The following PRIM2 variants were observed in gnomAD, a reference collection of about 807,000 sequenced individuals.
The protein encoded by PRIM2 is DNA primase subunit 2.
A neutral mutation model predicts 67.3 loss-of-function variants in PRIM2; 39 were observed. The ratio of observed to expected loss-of-function variants is 0.58; its 90% confidence interval spans 0.45 to 0.76. The LOEUF is 0.76. Among genes scored for constraint, PRIM2 ranks in the 30% least tolerant of loss-of-function variants. The probability of loss-of-function intolerance (pLI) is 0.00; values close to 1 mark genes in which losing one functional copy is unlikely to be tolerated. For missense variants in PRIM2, 398 were observed against 598.7 expected (o/e 0.66, Z 3.50); for synonymous variants, 143 against 198.7 (o/e 0.72, Z 2.36).
chr6:57,625,156 C>T (rs1397435997), intron 12 of PRIM2, among the ~76,000 whole-genome samples: 12 of 152,088 alleles, frequency 7.9e-5, no homozygotes, highest in East Asian at 1.9e-4. Flanking sequence ...AACCATATAT[C>T]GCAGATAAAC....
chr6:57,530,319 T>C (rs1774859749), intron 8 of PRIM2, among the ~76,000 whole-genome samples: 1 of 152,210 alleles, frequency 6.6e-6, no homozygotes, highest in East Asian at 1.9e-4. Flanking sequence ...GAGTCTCTGG[T>C]GGCAGCAACT....
At chr6:57,359,064 G>T (rs1405528292) in intron 5 of PRIM2, among the ~76,000 whole-genome samples, 1 of 152,248 alleles carries the variant, frequency 6.6e-6, no homozygotes, top group Non-Finnish European at 1.5e-5. Flanking sequence ...ATCTTCTCCA[G>T]CTGAAACTCA....
chr6:57,344,028 C>A (rs1231826812), intron 5 of PRIM2, among the ~76,000 whole-genome samples: 5 of 152,070 alleles, frequency 3.3e-5, no homozygotes, highest in African/African-American at 1.2e-4. Flanking sequence ...ACTTACTTAG[C>A]AGGATTCTCA....
intron 13 of PRIM2, among the ~76,000 whole-genome samples, chr6:57,634,190 G>C (rs1777081023): frequency 1.3e-5 from 2 of 152,172 alleles, no homozygotes; most frequent in African/African-American, 2.4e-5. Context: ...TTGTGATAAT[G>C]ACAGCAGAGG....
chr6:57,344,212 C>T (rs112646822), intron 5 of PRIM2, among the ~76,000 whole-genome samples: 9,059 of 151,106 alleles, frequency 0.06, 364 homozygotes, highest in Admixed American at 0.099. Context: ...GCAGGGTACT[C>T]TCTGAGTGTT....
intron 5 of PRIM2, among the ~76,000 whole-genome samples, chr6:57,330,693 C>G (rs894452799): frequency 5.3e-5 from 8 of 152,064 alleles, no homozygotes; most frequent in African/African-American, 1.7e-4. Context: ...TGATCATGAT[C>G]TCAGGGGAAA....
At chr6:57,598,159 T>C (rs1776401523) in intron 10 of PRIM2, among the ~76,000 whole-genome samples, 2 of 152,232 alleles carry the variant, frequency 1.3e-5, no homozygotes, top group Admixed American at 1.3e-4. Context: ...TAAAGTATCG[T>C]GTAGGAACAT....
chr6:57,645,969 C>A lies in PRIM2; in HGVS notation c.1341C>A (p.Phe447Leu). 6.2e-7 allele frequency: 1 copy of A among 1,603,852 alleles called. No homozygotes were observed. The highest frequency in any genetic ancestry group is 1.1e-5 in the South Asian group (1 of 90,888). ...CGFSLNHPNQ[F>L]FCESQRILNG... Reference sequence around the variant, plus strand: ...TTTCTTTGAATCATCCTAATCAGTTCTTTTGTGAGAGCCAACGTATTCTAA... The same window carrying A: ...TTTCTTTGAATCATCCTAATCAGTTATTTTGTGAGAGCCAACGTATTCTAA... Residue 447 changes from phenylalanine to leucine, a missense_variant, in exon 14 of 14, where the codon TTC (phenylalanine) becomes TTA (leucine). Physicochemically the swap from Phe to Leu is conservative, Grantham distance 22. Transcript: ENST00000615550.
intron 5 of PRIM2, among the ~76,000 whole-genome samples, chr6:57,360,108 G>A (rs1769148780): frequency 6.6e-6 from 1 of 152,202 alleles, no homozygotes; most frequent in Non-Finnish European, 1.5e-5. Flanking sequence ...TTTAATGAGT[G>A]TACTTCATAG....
chr6:57,340,011 G>GGA (rs1768413894), intron 5 of PRIM2, among the ~76,000 whole-genome samples: 1 of 150,328 alleles, frequency 6.7e-6, no homozygotes, highest in Admixed American at 6.6e-5. Flanking sequence ...AATTTATGAG[G>GGA]AAAAAAAAAC....
At chr6:57,307,284 T>G in the PRIM2 span, among the ~76,000 whole-genome samples, 1 of 151,000 alleles carries the variant, frequency 6.6e-6, no homozygotes, top group Non-Finnish European at 1.5e-5. Flanking sequence ...GACGGAGTCT[T>G]GCTCTGTTGC....
At chr6:57,592,125 G>A (rs1204679984) in intron 10 of PRIM2, among the ~76,000 whole-genome samples, 1 of 151,954 alleles carries the variant, frequency 6.6e-6, no homozygotes, top group African/African-American at 2.4e-5. Context: ...CATTGGGTAC[G>A]CATGGACATA....
At chr6:57,516,233 A>G (rs1291202335) in intron 8 of PRIM2, among the ~76,000 whole-genome samples, 4 of 152,200 alleles carry the variant, frequency 2.6e-5, no homozygotes, top group Non-Finnish European at 5.9e-5. Context: ...TTACATCTGC[A>G]GAGCCCCTTT....
intron 8 of PRIM2, among the ~76,000 whole-genome samples, chr6:57,518,744 A>G (rs1214047805): frequency 1.3e-5 from 2 of 152,188 alleles, no homozygotes; most frequent in Non-Finnish European, 2.9e-5. Context: ...TCTTTGTAGA[A>G]ATGTACTGCT....
intron 5 of PRIM2, among the ~76,000 whole-genome samples, chr6:57,340,607 C>T (rs1475374447): frequency 6.6e-6 from 1 of 151,986 alleles, no homozygotes; most frequent in Admixed American, 6.5e-5. Context: ...ATCACAAGAA[C>T]AAAAAACCAA....
chr6:57,303,765 G>A, the PRIM2 span, among the ~76,000 whole-genome samples: 2 of 152,030 alleles, frequency 1.3e-5, no homozygotes, highest in Non-Finnish European at 2.9e-5. Context: ...ACAGGCACCC[G>A]CCACCATGCC....
chr6:57,333,385 G>GAGA (rs1344713348), intron 5 of PRIM2, among the ~76,000 whole-genome samples: 2 of 152,150 alleles, frequency 1.3e-5, no homozygotes, highest in Non-Finnish European at 2.9e-5. Flanking sequence ...AGTTGCTCTT[G>GAGA]AGAAGCCTGA....
intron 7 of PRIM2, among the ~76,000 whole-genome samples, chr6:57,449,948 T>TG (rs1772487889): frequency 6.6e-6 from 1 of 152,200 alleles, no homozygotes; most frequent in African/African-American, 2.4e-5. Flanking sequence ...CAACCTAGAC[T>TG]GACTACACAA....
rs1407291616 is a variant in PRIM2 at position 57,552,900 on chromosome 6, A to C, written c.1020+15275A>C. ...CCCCTTGTTTTCCGTAGTCTTTCAA[A>C]ACAACACTGTGATGAACATTCATCT... On this transcript the variant is annotated intron_variant, in intron 10 of 13. Coordinates refer to ENST00000615550, the MANE Select transcript of PRIM2 (RefSeq NM_000947.5). 2.9e-3 allele frequency among the ~76,000 whole-genome samples: 439 copies of C among 152,226 alleles called. 2 individuals are homozygous for C. Among genetic ancestry groups the C allele is most frequent in the Non-Finnish European group, 5.0e-3 (341 of 67,990 alleles).
Sources: gnomAD v4.1 joint callset for allele counts (sites outside exome capture counted in the v4.1 genomes callset) on GRCh38, gnomAD v4.1.1 for gene constraint, MANE v1.5 for transcripts, NCBI Gene and HGNC (gene_info 2026-07-23, HGNC 2026-07-21) for gene names.